Variants in SALL2 observed in about 807,000 individuals in gnomAD.
The protein encoded by SALL2 is spalt like transcription factor 2, also known as sal-like protein 2.
Under a neutral mutation model 58.5 loss-of-function variants are expected in SALL2, and 32 were observed. The observed-to-expected ratio is 0.55, with a 90% confidence interval of 0.41 to 0.74. The LOEUF is 0.74. SALL2 is among the 30% of genes least tolerant of loss of function. The probability of loss-of-function intolerance (pLI) is 0.00; values close to 1 mark genes in which losing one functional copy is unlikely to be tolerated. For synonymous variants in SALL2, 516 were observed against 513.6 expected, an observed-to-expected ratio of 1.00 and a Z score of -0.06; for missense variants, 1,201 against 1,268.9, an observed-to-expected ratio of 0.95 and a Z score of 0.81.
Position 21,523,130 on chromosome 14 carries a change from C to G in SALL2, c.2592G>C (p.Gly864=), listed in dbSNP as rs1892114108. The change falls in exon 2 of 2, where the codon GGG becomes GGC. Residue 864 remains glycine (G), a synonymous_variant. Transcript: ENST00000537235. The surrounding 1 kb of genome is among the most constrained non-coding windows in gnomAD (Gnocchi z 4.4). The part of the protein sequence containing the change: ...SSGVLGGKEE[G]GKPERSSSPA... ...GACTTGAGCTTCTCTCCGGTTTGCC[C>G]CCCTCTTCCTTGCCTCCTAAAACAC... is the stretch of plus-strand genomic sequence containing the variant. 6.2e-7 allele frequency: 1 copy of G among 1,614,054 alleles called. No individual in the cohort carries two copies. Among genetic ancestry groups the G allele is most frequent in the African/African-American group, 1.3e-5 (1 of 74,926 alleles).
At chr14:21,526,029 A>T (rs1487448074) in intron 1 of SALL2, 32 bp downstream of exon 1, 2 of 601,656 alleles carry the variant, frequency 3.3e-6, no homozygotes, top group East Asian at 4.6e-5. Flanking sequence ...CTCCGCCCCC[A>T]CCCCTGCCCA....
chr14:21,534,539 T>G (rs1286872436), intron 1 of SALL2, among the ~76,000 whole-genome samples: 1 of 152,118 alleles, frequency 6.6e-6, no homozygotes, highest in African/African-American at 2.4e-5. Context: ...AGACAGCCGC[T>G]AAAGATAGCT....
Position 21,526,278 on chromosome 14 carries a change from C to G in SALL2, c.-151G>C. Reference sequence around the variant, plus strand: ...CGGCAGCGGCGGGGGCAGGGAGCAGCGGCGGAGGGGGAGGGGAGCGAGGAG... The same window carrying G: ...CGGCAGCGGCGGGGGCAGGGAGCAGGGGCGGAGGGGGAGGGGAGCGAGGAG... On this transcript the variant is annotated 5_prime_UTR_variant, in exon 1 of 2. Coordinates refer to ENST00000537235, the MANE Select transcript of SALL2 (RefSeq NM_001364564.1). 1 of 1,300,760 alleles carries G rather than the reference C, an allele frequency of 7.7e-7. No individual in the cohort carries two copies. The highest frequency in any genetic ancestry group is 3.6e-5 in the Admixed American group (1 of 28,142). The allele number at this position is 1,300,760 out of a possible 1,614,324, so 80.6% of individuals were successfully genotyped here.
At chr14:21,530,797 G>A (rs1259442178), upstream of SALL2, among the ~76,000 whole-genome samples, 1 of 151,994 alleles carries the variant, frequency 6.6e-6, no homozygotes, top group Non-Finnish European at 1.5e-5. Context: ...TTTTTCTGTA[G>A]AGATGAGGTT....
At position 21,525,317 on chromosome 14, in the gene SALL2, G is replaced by A. The variant is rs746583610; in HGVS notation, c.405C>T (p.Gly135=). 8.1e-6 allele frequency: 13 copies of A among 1,613,508 alleles called. No individual in the cohort carries two copies. Among genetic ancestry groups the A allele is most frequent in the South Asian group, 7.7e-5 (7 of 91,032 alleles). ...VAATGTAAGG[G]GGLILASPKL... The stretch of plus-strand genomic sequence containing the variant: ...TGGGACTGGCCAAGATCAGGCCCCC[G>A]CCTCCCCCAGCCGCTGTACCTGTGG... The change falls in exon 2 of 2, where the codon GGC becomes GGT. Residue 135 remains glycine (G), a synonymous_variant. Coordinates refer to ENST00000537235, the MANE Select transcript of SALL2 (RefSeq NM_001364564.1). This position sits in a 1 kb window ranked among gnomAD's most constrained non-coding sequence, Gnocchi z 4.4.
rs1485252936 is a variant in SALL2 at position 21,521,500 on chromosome 14, C to T, written c.*1204G>A. On this transcript the variant is annotated 3_prime_UTR_variant, in exon 2 of 2. Coordinates refer to ENST00000537235, the MANE Select transcript of SALL2 (RefSeq NM_001364564.1). ...AGAAGCATACTAGTGCTAGGAAATC[C>T]CCCATGATCCCTGGTACACCTCTGC... The T allele has an allele frequency of 3.9e-5, 6 of 152,966 alleles. No homozygotes were observed. The highest frequency in any genetic ancestry group is 7.3e-5 in the Non-Finnish European group (5 of 68,630). 9.5% of individuals were successfully genotyped at this position (152,966 alleles called of 1,614,324 possible). A position where few individuals can be genotyped will look rare whatever the true frequency, so the allele number is the denominator to read the frequency against.
upstream of SALL2, among the ~76,000 whole-genome samples, chr14:21,527,222 A>G (rs928800342): frequency 3.3e-5 from 5 of 152,104 alleles, no homozygotes; most frequent in Non-Finnish European, 7.4e-5. Context: ...CCCTCTTGAA[A>G]CAATGCGGTA....
chr14:21,523,715 C>T lies in SALL2; in HGVS notation c.2007G>A (p.Arg669=). 1 of 1,614,212 alleles carries T rather than the reference C, an allele frequency of 6.2e-7. No homozygotes were observed. The highest frequency in any genetic ancestry group is 8.5e-7 in the Non-Finnish European group (1 of 1,180,046). ...CKVCGRAFST[R]GNLRAHFVGH... ...CCACGAAATGTGCACGCAGATTACC[C>T]CTGGTGGAGAAGGCTCTGCCACACA... Residue 669 remains arginine, a synonymous_variant, in exon 2 of 2, where the codon AGG becomes AGA. Transcript: ENST00000537235. This position sits in a 1 kb window ranked among gnomAD's most constrained non-coding sequence, Gnocchi z 4.4.
chr14:21,521,197 A>C lies in SALL2; in HGVS notation c.*1507T>G, dbSNP rs536254085. 1 of 152,238 alleles carries C rather than the reference A, an allele frequency of 6.6e-6. No homozygotes were observed. The highest frequency in any genetic ancestry group is 1.5e-5 in the Non-Finnish European group (1 of 68,050). The allele number at this position is 152,238 out of a possible 1,614,324, so 9.4% of individuals were successfully genotyped here. ...ACAGCTTGAGGAGAAGCCATCGTTC[A>C]AGTCAGTCAATAGCAAAACCCTCAC... On this transcript the variant is annotated 3_prime_UTR_variant, in exon 2 of 2. Coordinates refer to ENST00000537235, the MANE Select transcript of SALL2 (RefSeq NM_001364564.1).
In SALL2 at chr14:21,525,341, G is replaced by A; in HGVS notation, c.381C>T (p.Ala127=). The A allele has an allele frequency of 6.2e-7, 1 of 1,613,948 alleles. No homozygotes were observed. Among genetic ancestry groups the A allele is most frequent in the Non-Finnish European group, 8.5e-7 (1 of 1,179,912 alleles). The change falls in exon 2 of 2, where the codon GCC becomes GCT. Residue 127 remains alanine (A), a synonymous_variant. Coordinates refer to ENST00000537235, the MANE Select transcript of SALL2 (RefSeq NM_001364564.1). This position sits in a 1 kb window ranked among gnomAD's most constrained non-coding sequence, Gnocchi z 4.4. ...EESSGHFLVA[A]TGTAAGGGGG... is the part of the protein sequence containing the mutation. The stretch of plus-strand genomic sequence containing the variant: ...CGCCTCCCCCAGCCGCTGTACCTGT[G>A]GCAGCGACCAGGAAATGCCCTGAAG...
rs897514418 is a variant in SALL2, at chr14:21,525,840, AG to A, written c.68-187del. Among the ~76,000 whole-genome samples, 2 of 2,972 alleles carry A rather than the reference AG, an allele frequency of 6.7e-4. No individual in the cohort carries two copies. The highest frequency in any genetic ancestry group is 0.013 in the East Asian group (1 of 78). 1.9% of individuals were successfully genotyped at this position (2,972 alleles called of 152,430 possible). A position where few individuals can be genotyped will look rare whatever the true frequency, so the allele number is the denominator to read the frequency against. On this transcript the variant is annotated intron_variant, in intron 1 of 1. Transcript: ENST00000537235. The surrounding 1 kb of genome is among the most constrained non-coding windows in gnomAD (Gnocchi z 4.4). ...GACAGGAGACAACCCGGCATGGGGC[AG>A]GGGGGTGGGGAGGGAGGAGGGGAGG...
At chr14:21,529,595 T>C (rs1263044826), upstream of SALL2, among the ~76,000 whole-genome samples, 1 of 151,748 alleles carries the variant, frequency 6.6e-6, no homozygotes, top group East Asian at 1.9e-4. Flanking sequence ...GAGGATCACT[T>C]GAGCTCAAGG....
chr14:21,528,840 A>C (rs768863993), upstream of SALL2, among the ~76,000 whole-genome samples: 4 of 152,154 alleles, frequency 2.6e-5, no homozygotes, highest in Non-Finnish European at 5.9e-5. Context: ...CCCTGGCCTT[A>C]GTCAGGGAGA....
At chr14:21,530,356 C>T (rs1469529741), upstream of SALL2, among the ~76,000 whole-genome samples, 1 of 133,168 alleles carries the variant, frequency 7.5e-6, no homozygotes, top group African/African-American at 2.9e-5. Flanking sequence ...GGCATGATCT[C>T]GGCTCACCGC....
At chr14:21,533,779 G>T (rs950193611) in intron 1 of SALL2, among the ~76,000 whole-genome samples, 2 of 152,044 alleles carry the variant, frequency 1.3e-5, no homozygotes, top group Non-Finnish European at 2.9e-5. Context: ...CAGAATTTTG[G>T]CTTTTAAAAT....
intron 1 of SALL2, among the ~76,000 whole-genome samples, chr14:21,536,485 A>G (rs757069299): frequency 1.4e-4 from 21 of 152,206 alleles, no homozygotes; most frequent in Non-Finnish European, 2.5e-4. Flanking sequence ...AAAGGGGGGA[A>G]AATCCCACCC....
In SALL2 at chr14:21,524,246, G is replaced by A; in HGVS notation, c.1476C>T (p.Ser492=). 6.2e-7 allele frequency: 1 copy of A among 1,613,564 alleles called. No individual in the cohort carries two copies. Among genetic ancestry groups the A allele is most frequent in the Admixed American group, 1.7e-5 (1 of 60,002 alleles). The change falls in exon 2 of 2, where the codon TCC becomes TCT. Residue 492 remains serine, a synonymous_variant. Transcript: ENST00000537235. Reference sequence around the variant, plus strand: ...GAGCCGTGGCTGTGCCTGCACTGGTGGAGAGCAGAGTCAGGCTCTCTGTGG... The same window carrying A: ...GAGCCGTGGCTGTGCCTGCACTGGTAGAGAGCAGAGTCAGGCTCTCTGTGG... ...LSATESLTLL[S]TSAGTATAPG...
At chr14:21,530,267 C>CT (rs1015353828), upstream of SALL2, among the ~76,000 whole-genome samples, 117 of 121,038 alleles carry the variant, frequency 9.7e-4, no homozygotes, top group African/African-American at 3.3e-3. Context: ...AGCCATATTT[C>CT]TTTTTTTTTC....
At position 21,526,279 on chromosome 14, in the gene SALL2, G is replaced by A. The variant is rs990370009; in HGVS notation, c.-152C>T. 2 of 1,442,342 alleles carry A rather than the reference G, an allele frequency of 1.4e-6. No homozygotes were observed. The highest frequency in any genetic ancestry group is 2.7e-5 in the Admixed American group (1 of 36,948). The allele number at this position is 1,442,342 out of a possible 1,614,324, so 89.3% of individuals were successfully genotyped here. A position where few individuals can be genotyped will look rare whatever the true frequency, so the allele number is the denominator to read the frequency against. On this transcript the variant is annotated 5_prime_UTR_variant, in exon 1 of 2. Coordinates refer to ENST00000537235, the MANE Select transcript of SALL2 (RefSeq NM_001364564.1). Reference sequence around the variant, plus strand: ...GGCAGCGGCGGGGGCAGGGAGCAGCGGCGGAGGGGGAGGGGAGCGAGGAGG... The same window carrying A: ...GGCAGCGGCGGGGGCAGGGAGCAGCAGCGGAGGGGGAGGGGAGCGAGGAGG...
Sources: allele counts gnomAD v4.1 joint callset (sites outside exome capture counted in the v4.1 genomes callset), GRCh38; gene constraint gnomAD v4.1.1; non-coding constraint Gnocchi (gnomAD v3.1); transcripts MANE v1.5; gene names NCBI Gene and HGNC (gene_info 2026-07-23, HGNC 2026-07-21).